HSPA12B: variants seen among roughly 807,000 people sequenced by gnomAD.
The protein encoded by HSPA12B is heat shock 70 kDa protein 12B.
HSPA12B carries 54 observed loss-of-function variants against 69.3 expected under a neutral mutation model. The observed-to-expected ratio is 0.78, with a 90% confidence interval of 0.63 to 0.98. The LOEUF (loss-of-function observed/expected upper bound fraction) is 0.98, where lower values mean the gene tolerates loss of function less well. HSPA12B is among the 50% of genes least tolerant of loss of function. The pLI, the probability that HSPA12B is intolerant of heterozygous loss-of-function variation, is 0.00. For synonymous variants in HSPA12B, 441 were observed against 436.5 expected, an observed-to-expected ratio of 1.01 and a Z score of -0.13; for missense variants, 929 against 999.8, an observed-to-expected ratio of 0.93 and a Z score of 0.96.
In HSPA12B at chr20:3,737,138, G is replaced by T. The variant is rs1033325671; in HGVS notation, c.-17-1520G>T. 1.3e-5 allele frequency among the ~76,000 whole-genome samples: 2 copies of T among 151,948 alleles called. No individual in the cohort carries two copies. The highest frequency in any genetic ancestry group is 2.9e-5 in the Non-Finnish European group (2 of 68,002). On this transcript the variant is annotated intron_variant, in intron 1 of 12. Coordinates refer to ENST00000254963, the MANE Select transcript of HSPA12B (RefSeq NM_052970.5). This position sits in a 1 kb window ranked among gnomAD's most constrained non-coding sequence, Gnocchi z 4.1. ...ACATGTTCTGATTCAGCAGGTCTGG[G>T]CTGGGGCCTGAGGTTCTGCATTTCT... is the stretch of plus-strand genomic sequence containing the variant.
chr20:3,743,620 T>A lies in HSPA12B; in HGVS notation c.266+1212T>A, dbSNP rs183878697. The stretch of plus-strand genomic sequence containing the variant: ...AAGCTTCAACACTATTTTGTAGATA[T>A]TTCATGTCAGCACATACGAAGCTAC... On this transcript the variant is annotated intron_variant, in intron 4 of 12. Coordinates refer to ENST00000254963, the MANE Select transcript of HSPA12B (RefSeq NM_052970.5). 2.6e-5 allele frequency among the ~76,000 whole-genome samples: 4 copies of A among 152,364 alleles called. No homozygotes were observed. The East Asian group carries it at 7.7e-4, about 29-fold the overall frequency.
At position 3,745,857 on chromosome 20, in the gene HSPA12B, G is replaced by A. The variant is rs2088291389; in HGVS notation, c.559-58G>A. ...ATTAGTACCTCCAGTTCCGCAGAGGGCTGAAGACCACCCTCCCTCCAAGCC... is the reference window on the plus strand; with the variant it reads ...ATTAGTACCTCCAGTTCCGCAGAGGACTGAAGACCACCCTCCCTCCAAGCC... On this transcript the variant is annotated intron_variant, in intron 6 of 12. Coordinates refer to ENST00000254963, the MANE Select transcript of HSPA12B (RefSeq NM_052970.5). The surrounding 1 kb of genome is among the most constrained non-coding windows in gnomAD (Gnocchi z 5.6). 2.1e-6 allele frequency: 3 copies of A among 1,447,958 alleles called. No individual in the cohort carries two copies. In the Middle Eastern group the frequency reaches 5.2e-4, roughly 251 times the overall value. 89.7% of individuals were successfully genotyped at this position (1,447,958 alleles called of 1,614,324 possible). A position where few individuals can be genotyped will look rare whatever the true frequency, so the allele number is the denominator to read the frequency against.
At position 3,749,111 on chromosome 20, in the gene HSPA12B, G is replaced by C; in HGVS notation, c.851-121G>C. 1 of 799,538 alleles carries C rather than the reference G, an allele frequency of 1.3e-6. No homozygotes were observed. Among genetic ancestry groups the C allele is most frequent in the Non-Finnish European group, 2.0e-6 (1 of 495,102 alleles). The allele number at this position is 799,538 out of a possible 1,614,324, so 49.5% of individuals were successfully genotyped here. A position where few individuals can be genotyped will look rare whatever the true frequency, so the allele number is the denominator to read the frequency against. ...CTCTCCCAGTCAGGAGCAGGTTGGA[G>C]TTTCAGGAGCACTGGCTGCTCCCAG... is the stretch of plus-strand genomic sequence containing the variant. On this transcript the variant is annotated intron_variant, in intron 8 of 12. Transcript: ENST00000254963. The surrounding 1 kb of genome is among the most constrained non-coding windows in gnomAD (Gnocchi z 5.5).
In HSPA12B at chr20:3,744,159, T is replaced by G. The variant is rs1235792447; in HGVS notation, c.267-743T>G. 6.6e-6 allele frequency among the ~76,000 whole-genome samples: 1 copy of G among 152,172 alleles called. No individual in the cohort carries two copies. ...GAGGTAAGAGGGGCTTCCCAAGGCC[T>G]GGAGACTGGATGGAAGGGTGAATGG... is the stretch of plus-strand genomic sequence containing the variant. On this transcript the variant is annotated intron_variant, in intron 4 of 12. Coordinates refer to ENST00000254963, the MANE Select transcript of HSPA12B (RefSeq NM_052970.5). The surrounding 1 kb of genome is among the most constrained non-coding windows in gnomAD (Gnocchi z 4.9).
chr20:3,738,797 A>G, intron 2 of HSPA12B, 80 bp downstream of exon 2: 16 of 1,446,622 alleles, frequency 1.1e-5, no homozygotes, highest in Non-Finnish European at 1.6e-5. Flanking sequence ...AGGTTGTGCA[A>G]TGTACCTCTC....
At position 3,748,331 on chromosome 20, in the gene HSPA12B, C is replaced by T. The variant is rs141938190; in HGVS notation, c.790C>T (p.Arg264Trp). ...RLHQLLDLSG[R>W]APGGGRLGER... is the part of the protein sequence containing the mutation. ...GCACCAGCTCCTGGACCTGAGTGGC[C>T]GGGCCCCAGGTGGTGGGCGCCTGGG... The change falls in exon 8 of 13, where the codon CGG becomes TGG. Residue 264 changes from arginine to tryptophan, a missense_variant. Arg to Trp is a moderately radical substitution (Grantham distance 101, BLOSUM62 -3). Transcript: ENST00000254963. The T allele has an allele frequency of 5.2e-4, 837 of 1,610,664 alleles. No individual in the cohort carries two copies. The African/African-American group carries it at 7.0e-3, about 13-fold the overall frequency.
intron 3 of HSPA12B, among the ~76,000 whole-genome samples, chr20:3,741,157 C>T (rs986099944): frequency 6.6e-6 from 1 of 152,096 alleles, no homozygotes; most frequent in Non-Finnish European, 1.5e-5. Context: ...CCAACCCCCC[C>T]ACACAGGAGG....
chr20:3,752,752 A>T lies in HSPA12B; in HGVS notation c.*586A>T, dbSNP rs1218999467. ...CTGTGAATTGTGGAAAGGGCAGTAG[A>T]TCTCTAATGTGGAGGTGGGAACATT... On this transcript the variant is annotated 3_prime_UTR_variant, in exon 13 of 13. Transcript: ENST00000254963. 1.3e-5 allele frequency: 2 copies of T among 153,936 alleles called. No homozygotes were observed. The highest frequency in any genetic ancestry group is 1.3e-4 in the Admixed American group (2 of 15,288). 9.5% of individuals were successfully genotyped at this position (153,936 alleles called of 1,614,324 possible). A position where few individuals can be genotyped will look rare whatever the true frequency, so the allele number is the denominator to read the frequency against.
rs192065556 is a variant in HSPA12B, at chr20:3,737,740, T to C, written c.-17-918T>C. Reference sequence around the variant, plus strand: ...AACGAAGGCCAGGCACGGTGGCTCATGCCTGTAATCCCAGCACTTTGAGAG... The same window carrying C: ...AACGAAGGCCAGGCACGGTGGCTCACGCCTGTAATCCCAGCACTTTGAGAG... On this transcript the variant is annotated intron_variant, in intron 1 of 12. Transcript: ENST00000254963. The surrounding 1 kb of genome is among the most constrained non-coding windows in gnomAD (Gnocchi z 4.1). Among the ~76,000 whole-genome samples the C allele has an allele frequency of 6.6e-6, 1 of 152,308 alleles. No homozygotes were observed. The highest frequency in any genetic ancestry group is 2.4e-5 in the African/African-American group (1 of 41,560).
rs1385837829 is a variant in HSPA12B, at chr20:3,752,109, C to T, written c.2004C>T (p.Ala668=). The T allele has an allele frequency of 8.0e-6, 12 of 1,506,836 alleles. No individual in the cohort carries two copies. The highest frequency in any genetic ancestry group is 2.4e-5 in the East Asian group (1 of 41,390). The allele number at this position is 1,506,836 out of a possible 1,614,324, so 93.3% of individuals were successfully genotyped here. The change falls in exon 13 of 13, where the codon GCC becomes GCT. Residue 668 remains alanine, a synonymous_variant. Coordinates refer to ENST00000254963, the MANE Select transcript of HSPA12B (RefSeq NM_052970.5). Reference sequence around the variant, plus strand: ...GCGACACCGAAATTAAGGTCACCGCCGTCGACGTCAGCACCAATCGCTCCG... The same window carrying T: ...GCGACACCGAAATTAAGGTCACCGCTGTCGACGTCAGCACCAATCGCTCCG... The part of the protein sequence containing the change: ...QFGDTEIKVT[A]VDVSTNRSVR...
Position 3,746,104 on chromosome 20 carries a change from C to T in HSPA12B, c.675+73C>T. The T allele has an allele frequency of 2.8e-6, 3 of 1,080,420 alleles. 1 individual carries two copies. The highest frequency in any genetic ancestry group is 2.6e-5 in the South Asian group (2 of 75,738). 66.9% of individuals were successfully genotyped at this position (1,080,420 alleles called of 1,614,324 possible). Reference sequence around the variant, plus strand: ...GCCTGTCCCCATGCTTGCATGCACCCCACCACCCTTGAGACCACAGAGTCA... The same window carrying T: ...GCCTGTCCCCATGCTTGCATGCACCTCACCACCCTTGAGACCACAGAGTCA... On this transcript the variant is annotated intron_variant, in intron 7 of 12. Coordinates refer to ENST00000254963, the MANE Select transcript of HSPA12B (RefSeq NM_052970.5).
chr20:3,747,698 G>C (rs2088330964), intron 7 of HSPA12B, among the ~76,000 whole-genome samples: 1 of 152,194 alleles, frequency 6.6e-6, no homozygotes, highest in Non-Finnish European at 1.5e-5. Flanking sequence ...GATTCCCTGG[G>C]AACAAAGTTC....
intron 2 of HSPA12B, among the ~76,000 whole-genome samples, chr20:3,739,060 CGT>C (rs372815255): frequency 2.0e-5 from 3 of 152,236 alleles, no homozygotes; most frequent in African/African-American, 4.8e-5. Context: ...TATGCATGTG[CGT>C]GTGTTTTGTT....
At chr20:3,746,815 G>A (rs1402434588) in intron 7 of HSPA12B, among the ~76,000 whole-genome samples, 1 of 152,174 alleles carries the variant, frequency 6.6e-6, no homozygotes, top group East Asian at 1.9e-4. Context: ...GTATCGGTCT[G>A]TCACTGGTTC....
Position 3,745,229 on chromosome 20 carries a change from A to G in HSPA12B, c.453+141A>G, listed in dbSNP as rs893297881. On this transcript the variant is annotated intron_variant, in intron 5 of 12. Coordinates refer to ENST00000254963, the MANE Select transcript of HSPA12B (RefSeq NM_052970.5). The surrounding 1 kb of genome is among the most constrained non-coding windows in gnomAD (Gnocchi z 5.6). ...TGAGAGGGGGCGGGGCTAAAGGGAG[A>G]CGTCGGACTCCGGTGTGGGCGGAGC... The G allele has an allele frequency of 1.9e-5, 15 of 788,608 alleles. No individual in the cohort carries two copies. The highest frequency in any genetic ancestry group is 1.6e-4 in the Admixed American group (6 of 38,364). The allele number at this position is 788,608 out of a possible 1,614,324, so 48.9% of individuals were successfully genotyped here.
chr20:3,749,403 C>G lies in HSPA12B; in HGVS notation c.937+85C>G, dbSNP rs1568478882. 1 of 1,226,812 alleles carries G rather than the reference C, an allele frequency of 8.2e-7. No homozygotes were observed. Among genetic ancestry groups the G allele is most frequent in the Non-Finnish European group, 1.2e-6 (1 of 856,824 alleles). 76.0% of individuals were successfully genotyped at this position (1,226,812 alleles called of 1,614,324 possible). A position where few individuals can be genotyped will look rare whatever the true frequency, so the allele number is the denominator to read the frequency against. On this transcript the variant is annotated intron_variant, in intron 9 of 12. Coordinates refer to ENST00000254963, the MANE Select transcript of HSPA12B (RefSeq NM_052970.5). The surrounding 1 kb of genome is among the most constrained non-coding windows in gnomAD (Gnocchi z 5.5). ...GGGGGGAAGGGCATGTTTGCAAAGCCCGTCTCTTCCTCCTCCATTCGCTGT... is the reference window on the plus strand; with the variant it reads ...GGGGGGAAGGGCATGTTTGCAAAGCGCGTCTCTTCCTCCTCCATTCGCTGT...
At position 3,752,455 on chromosome 20, in the gene HSPA12B, G is replaced by A. The variant is rs544634737; in HGVS notation, c.*289G>A. On this transcript the variant is annotated 3_prime_UTR_variant, in exon 13 of 13. Transcript: ENST00000254963. ...GACAGAGCGCGCAGCCCGGCAAGGGGCATGTGACCCCGAAGGAAGAACGCA... is the reference window on the plus strand; with the variant it reads ...GACAGAGCGCGCAGCCCGGCAAGGGACATGTGACCCCGAAGGAAGAACGCA... 5 of 328,554 alleles carry A rather than the reference G, an allele frequency of 1.5e-5. No individual in the cohort carries two copies. The Admixed American group carries it at 2.0e-4, about 13-fold the overall frequency. The allele number at this position is 328,554 out of a possible 1,614,324, so 20.4% of individuals were successfully genotyped here.
intron 11 of HSPA12B, 28 bp downstream of exon 11, chr20:3,750,255 A>C: frequency 6.4e-7 from 1 of 1,560,588 alleles, no homozygotes; most frequent in Non-Finnish European, 8.7e-7. Flanking sequence ...GGGCTCAGGC[A>C]GGGTTTGCCG....
rs562222671 is a variant in HSPA12B, at chr20:3,745,119, G to A, written c.453+31G>A. The A allele has an allele frequency of 3.2e-4, 513 of 1,589,968 alleles. 3 individuals carry two copies. The South Asian group carries it at 5.4e-3, about 17-fold the overall frequency. ...TCACAGGGCTCCAGACAGGGAGGCG[G>A]GGCCAGCATGGAAAAGGGCAGGGCT... On this transcript the variant is annotated intron_variant, in intron 5 of 12. Transcript: ENST00000254963. The surrounding 1 kb of genome is among the most constrained non-coding windows in gnomAD (Gnocchi z 5.6).
Sources: gnomAD v4.1 joint callset for allele counts (sites outside exome capture counted in the v4.1 genomes callset) on GRCh38, gnomAD v4.1.1 for gene constraint, Gnocchi (gnomAD v3.1) non-coding constraint, MANE v1.5 for transcripts, NCBI Gene and HGNC (gene_info 2026-07-23, HGNC 2026-07-21) for gene names.